Variants in PAQR6 observed in about 807,000 individuals in gnomAD.
PAQR6 encodes progestin and adipoQ receptor family member 6, also known as membrane progestin receptor delta.
Under a neutral mutation model 36.2 loss-of-function variants are expected in PAQR6, and 34 were observed. The observed-to-expected ratio is 0.94, with a 90% CI of 0.71 to 1.25. The LOEUF (loss-of-function observed/expected upper bound fraction) is 1.25. PAQR6 is among the 50% of genes most tolerant of loss of function. The pLI, the probability that PAQR6 is intolerant of heterozygous loss-of-function variation, is 0.00. For synonymous variants in PAQR6, 190 were observed against 190.7 expected, an observed-to-expected ratio of 1.00 and a Z score of 0.03; for missense variants, 431 against 445.7, an observed-to-expected ratio of 0.97 and a Z score of 0.30.
Position 156,248,006 on chromosome 1 carries a change from T to C in PAQR6, c.-75A>G, listed in dbSNP as rs1181336609. ...GCTGGTGGGTCAACAGGCCCAGGGC[T>C]CCACGGGCGGAGTCCAAGGCTGCTG... On this transcript the variant is annotated 5_prime_UTR_variant, in exon 1 of 8. Coordinates refer to ENST00000292291, the MANE Select transcript of PAQR6 (RefSeq NM_198406.3). The C allele has an allele frequency of 2.2e-6, 1 of 463,824 alleles. No homozygotes were observed. Among genetic ancestry groups the C allele is most frequent in the African/African-American group, 2.0e-5 (1 of 49,932 alleles). The allele number at this position is 463,824 out of a possible 1,614,324, so 28.7% of individuals were successfully genotyped here.
Position 156,248,010 on chromosome 1 carries a change from C to T in PAQR6, c.-79G>A, listed in dbSNP as rs771053744. ...GTGGGTCAACAGGCCCAGGGCTCCACGGGCGGAGTCCAAGGCTGCTGCCAG... is the reference window on the plus strand; with the variant it reads ...GTGGGTCAACAGGCCCAGGGCTCCATGGGCGGAGTCCAAGGCTGCTGCCAG... On this transcript the variant is annotated 5_prime_UTR_variant, in exon 1 of 8. It adds an upstream start codon to the 5' untranslated region. Transcript: ENST00000292291. The T allele has an allele frequency of 3.9e-5, 18 of 463,878 alleles. No individual in the cohort carries two copies. Among genetic ancestry groups the T allele is most frequent in the East Asian group, 2.8e-4 (4 of 14,080 alleles). 28.7% of individuals were successfully genotyped at this position (463,878 alleles called of 1,614,324 possible).
rs1659669970 is a variant in PAQR6 at position 156,243,699 on chromosome 1, C to G, written c.*430G>C. On this transcript the variant is annotated 3_prime_UTR_variant, in exon 8 of 8. Transcript: ENST00000292291. ...GGGGATGGGGGGGCAAGTGTGTGGCCTCTCGGCCTGGTTAGCAAGAAGCAT... is the reference window on the plus strand; with the variant it reads ...GGGGATGGGGGGGCAAGTGTGTGGCGTCTCGGCCTGGTTAGCAAGAAGCAT... 4.3e-6 allele frequency: 4 copies of G among 924,002 alleles called. No individual in the cohort carries two copies. The African/African-American group carries it at 6.6e-5, about 15-fold the overall frequency. The allele number at this position is 924,002 out of a possible 1,614,324, so 57.2% of individuals were successfully genotyped here.
intron 7 of PAQR6, 130 bp from the exon 8 acceptor site, chr1:156,244,533 T>G: frequency 7.4e-7 from 1 of 1,355,186 alleles, no homozygotes; most frequent in Non-Finnish European, 9.9e-7. Flanking sequence ...AAGGAATGAA[T>G]GAGCATGTGT....
chr1:156,244,552 C>T, intron 7 of PAQR6, 149 bp from the exon 8 acceptor site: 1 of 1,361,994 alleles, frequency 7.3e-7, no homozygotes, highest in Non-Finnish European at 9.9e-7. Flanking sequence ...GTGCATGTGG[C>T]CCCAGCACAC....
In PAQR6 at chr1:156,243,817, C is replaced by T. The variant is rs764615228; in HGVS notation, c.*312G>A. 4 of 1,535,724 alleles carry T rather than the reference C, an allele frequency of 2.6e-6. No homozygotes were observed. The highest frequency in any genetic ancestry group is 1.4e-5 in the African/African-American group (1 of 73,064). ...GAAACGGAGCCAGATGAAAGGACCC[C>T]AACACCTCCCCCCGCCAACCTTTGA... is the stretch of plus-strand genomic sequence containing the variant. On this transcript the variant is annotated 3_prime_UTR_variant, in exon 8 of 8. Transcript: ENST00000292291.
At position 156,243,895 on chromosome 1, in the gene PAQR6, C is replaced by A; in HGVS notation, c.*234G>T. 2 of 1,610,784 alleles carry A rather than the reference C, an allele frequency of 1.2e-6. No homozygotes were observed. The highest frequency in any genetic ancestry group is 1.7e-6 in the Non-Finnish European group (2 of 1,177,442). On this transcript the variant is annotated 3_prime_UTR_variant, in exon 8 of 8. Transcript: ENST00000292291. ...ACACGCATGCATCTCCCCTCTCAGA[C>A]CCTCAGCACTTCTTCCACTCCCATC... is the stretch of plus-strand genomic sequence containing the variant.
rs894414635 is a variant in PAQR6 at position 156,245,772 on chromosome 1, T to C, written c.385+10A>G. The C allele has an allele frequency of 6.3e-6, 10 of 1,584,484 alleles. No individual in the cohort carries two copies. In the Admixed American group the frequency reaches 1.5e-4, roughly 23 times the overall value. ...CCCAGACCCCGCGCTCCCGCGCCTG[T>C]CCGGCTCACCCAGACTGTAGAGGCT... On this transcript the variant is annotated intron_variant, in intron 4 of 7. Coordinates refer to ENST00000292291, the MANE Select transcript of PAQR6 (RefSeq NM_198406.3).
At chr1:156,245,748 C>A in intron 4 of PAQR6, 34 bp downstream of exon 4, 1 of 1,571,026 alleles carries the variant, frequency 6.4e-7, no homozygotes. Flanking sequence ...TCCGGGACGC[C>A]CAGACCCCGC....
intron 2 of PAQR6, among the ~76,000 whole-genome samples, 184 bp downstream of exon 2, chr1:156,246,497 G>A (rs1201662679): frequency 1.3e-5 from 2 of 152,190 alleles, no homozygotes; most frequent in Non-Finnish European, 2.9e-5. Context: ...TGGGGAAGGG[G>A]ACTCCAGATG....
At position 156,245,536 on chromosome 1, in the gene PAQR6, G is replaced by C. The variant is rs1286166057; in HGVS notation, c.511C>G (p.Arg171Gly). The C allele has an allele frequency of 1.2e-6, 2 of 1,611,936 alleles. No individual in the cohort carries two copies. Among genetic ancestry groups the C allele is most frequent in the African/African-American group, 2.7e-5 (2 of 74,884 alleles). Residue 171 changes from arginine (R) to glycine (G), a missense_variant and splice_region_variant, in exon 5 of 8, where the codon CGT becomes GGT. By Grantham distance (125) the Arg-to-Gly change is moderately radical. Coordinates refer to ENST00000292291, the MANE Select transcript of PAQR6 (RefSeq NM_198406.3). ...CACTGGAGGGGCCTGGGAACCCACC[G>C]GGAGTAGCAGGAGAGGCCGGTGCAC... ...FLCTGLSCYS[R>G]FLELESPGLS...
chr1:156,243,804 G>GA lies in PAQR6; in HGVS notation c.*324dup. 1 of 1,518,572 alleles carries GA rather than the reference G, an allele frequency of 6.6e-7. No homozygotes were observed. Among genetic ancestry groups the GA allele is most frequent in the Admixed American group, 2.1e-5 (1 of 48,482 alleles). 94.1% of individuals were successfully genotyped at this position (1,518,572 alleles called of 1,614,324 possible). ...TCCAGAAGCACCAGAAACGGAGCCA[G>GA]ATGAAAGGACCCCAACACCTCCCCC... is the stretch of plus-strand genomic sequence containing the variant. On this transcript the variant is annotated 3_prime_UTR_variant, in exon 8 of 8. Coordinates refer to ENST00000292291, the MANE Select transcript of PAQR6 (RefSeq NM_198406.3).
At chr1:156,246,319 G>A in intron 2 of PAQR6, 69 bp from the exon 3 acceptor site, 1 of 1,417,584 alleles carries the variant, frequency 7.1e-7, no homozygotes, top group Non-Finnish European at 9.8e-7. Flanking sequence ...GAGATCTCTG[G>A]AAGCAGGGTC....
chr1:156,244,916 C>G lies in PAQR6; in HGVS notation c.610-5G>C, dbSNP rs1331680146. ...CCTGCCCCAGCACAGCCCGAGCTGT[C>G]AAAGGAAAACCAAGGCTGCTGGGGA... is the stretch of plus-strand genomic sequence containing the variant. On this transcript the variant is annotated splice_polypyrimidine_tract_variant and splice_region_variant and intron_variant, in intron 6 of 7. Coordinates refer to ENST00000292291, the MANE Select transcript of PAQR6 (RefSeq NM_198406.3). 6.2e-7 allele frequency: 1 copy of G among 1,611,288 alleles called. No homozygotes were observed. The highest frequency in any genetic ancestry group is 8.5e-7 in the Non-Finnish European group (1 of 1,179,210).
At chr1:156,244,455 C>A in intron 7 of PAQR6, 52 bp from the exon 8 acceptor site, 1 of 1,447,318 alleles carries the variant, frequency 6.9e-7, no homozygotes, top group East Asian at 2.5e-5. Context: ...TGCAAGTCAC[C>A]CCATCCTCTG....
Position 156,246,706 on chromosome 1 carries a change from A to C in PAQR6, c.26T>G (p.Leu9Arg). MLSLKLPQ[L>R]LQVHQVPRVF... ...CCGGGGGACCTGGTGGACTTGAAGA[A>C]GTTGGGGCAGCTTGAGACTGAGCAT... The change falls in exon 2 of 8, where the codon CTT becomes CGT. Residue 9 changes from leucine (L) to arginine (R), a missense_variant. Transcript: ENST00000292291. 1.2e-6 allele frequency: 2 copies of C among 1,613,844 alleles called. No homozygotes were observed. Among genetic ancestry groups the C allele is most frequent in the Non-Finnish European group, 8.5e-7 (1 of 1,179,918 alleles).
rs372551766 is a variant in PAQR6, at chr1:156,246,751, G to A, written c.-20C>T. On this transcript the variant is annotated 5_prime_UTR_variant, in exon 2 of 8. The change creates a new upstream start codon in the 5' untranslated region. Transcript: ENST00000292291. ...GAGCATGGTGGCCTGGTACCTCCAC[G>A]TTGACCTAGAGACAGAGTGGGAGGT... The A allele has an allele frequency of 1.9e-6, 3 of 1,612,698 alleles. No homozygotes were observed. The highest frequency in any genetic ancestry group is 2.2e-5 in the South Asian group (2 of 90,854).
chr1:156,247,479 C>A (rs1339355785), intron 1 of PAQR6: 1 of 152,712 alleles, frequency 6.5e-6, no homozygotes, highest in South Asian at 2.0e-4. Flanking sequence ...GACACTCCCC[C>A]CACCTCCCCA....
intron 2 of PAQR6, 52 bp from the exon 3 acceptor site, chr1:156,246,302 T>A (rs1327790775): frequency 1.3e-6 from 2 of 1,494,028 alleles, no homozygotes; most frequent in East Asian, 4.5e-5. Context: ...ACCCTTTCCC[T>A]CCATCTGAGA....
chr1:156,244,771 A>T lies in PAQR6; in HGVS notation c.750T>A (p.Phe250Leu), dbSNP rs764254169. ...CAGGCGTGCCCTCACCGATGTAATC[A>T]AAGCGTCCTGGTGCCAGCCTTTCAG... ...HLPERLAPGRFDYIGHSHQLF... is the reference protein window; with the variant it reads ...HLPERLAPGRLDYIGHSHQLF... Residue 250 changes from phenylalanine to leucine, a missense_variant, in exon 7 of 8, where the codon TTT becomes TTA. By Grantham distance (22) the Phe-to-Leu change is conservative (BLOSUM62 0). Transcript: ENST00000292291. 2.5e-6 allele frequency: 4 copies of T among 1,613,674 alleles called. No homozygotes were observed. Among genetic ancestry groups the T allele is most frequent in the Non-Finnish European group, 3.4e-6 (4 of 1,180,046 alleles).
Sources: gnomAD v4.1 joint callset for allele counts (sites outside exome capture counted in the v4.1 genomes callset) on GRCh38, gnomAD v4.1.1 for gene constraint, MANE v1.5 for transcripts, NCBI Gene and HGNC (gene_info 2026-07-23, HGNC 2026-07-21) for gene names.